The following TMEM185A variants were observed in gnomAD, a reference collection of about 807,000 sequenced individuals.
TMEM185A encodes the protein family with sequence similarity 11, member A.
TMEM185A carries 9 observed loss-of-function variants against 25.0 expected under a neutral mutation model. The observed-to-expected ratio is 0.36, with a 90% CI of 0.22 to 0.63. The LOEUF (loss-of-function observed/expected upper bound fraction) is 0.63. Among genes scored for constraint, TMEM185A ranks in the 20% least tolerant of loss-of-function variants. TMEM185A has a pLI of 0.68. For missense variants in TMEM185A, 103 were observed against 237.4 expected (o/e 0.43, Z 3.72); for synonymous variants, 45 against 93.5 (o/e 0.48, Z 2.99).
At chrX:149,616,913 T>G (rs1251434798) in intron 1 of TMEM185A, among the ~76,000 whole-genome samples, 4 of 112,376 alleles carry the variant, frequency 3.6e-5, no homozygotes, top group African/African-American at 1.3e-4. Context: ...ATAAACACAA[T>G]GTAGTACTGG....
At chrX:149,608,512 G>A (rs1370685943) in intron 3 of TMEM185A, 115 bp downstream of exon 3, 4 of 684,017 alleles carry the variant, frequency 5.8e-6, no homozygotes, top group Non-Finnish European at 8.8e-6. Flanking sequence ...TGTATTATTA[G>A]TAGAGATGGG....
At chrX:149,602,847 T>G (rs782108610) in intron 4 of TMEM185A, among the ~76,000 whole-genome samples, 122 of 112,413 alleles carry the variant, frequency 1.1e-3, no homozygotes, top group African/African-American at 3.8e-3. Context: ...TTATGAATGT[T>G]TTATCAAAGA....
rs1249418430 is a variant in TMEM185A, at chrX:149,631,718, TGCCGTC to T, written c.-144_-139del. 2.9e-4 allele frequency: 172 copies of T among 593,307 alleles called. No homozygotes were observed. Among genetic ancestry groups the T allele is most frequent in the East Asian group, 1.5e-3 (27 of 18,329 alleles). 48.9% of individuals were successfully genotyped at this position (593,307 alleles called of 1,213,427 possible). On this transcript the variant is annotated 5_prime_UTR_variant, in exon 1 of 7. Transcript: ENST00000600449. ...CTCCCGCTACTGCTGCCGTCCCCGC[TGCCGTC>T]GCCGTCGCCGTCGCCGCCGCCGCCG...
At chrX:149,622,379 C>T (rs1463721177) in intron 1 of TMEM185A, among the ~76,000 whole-genome samples, 1 of 111,031 alleles carries the variant, frequency 9.0e-6, no homozygotes, top group Non-Finnish European at 1.9e-5. Context: ...TAAATCATGA[C>T]AGATAAAACA....
intron 1 of TMEM185A, among the ~76,000 whole-genome samples, chrX:149,624,494 TG>T (rs2090154053): frequency 8.9e-6 from 1 of 112,029 alleles, no homozygotes; most frequent in Non-Finnish European, 1.9e-5. Flanking sequence ...TTTTTTCCAG[TG>T]GAAGCTGCTG....
Position 149,611,329 on chromosome X carries a change from G to A in TMEM185A, c.173C>T (p.Ala58Val). The A allele has an allele frequency of 8.3e-7, 1 of 1,210,836 alleles. No individual in the cohort carries two copies. Among genetic ancestry groups the A allele is most frequent in the Non-Finnish European group, 1.1e-6 (1 of 895,178 alleles). Reference protein sequence around the residue: ...WLWKLMVIVGASVGTGVWARN... With the variant: ...WLWKLMVIVGVSVGTGVWARN... ...TGCCCAGACTCCAGTTCCAACTGAG[G>A]CTCCAACAATGACCATTAACTTCCA... is the stretch of plus-strand genomic sequence containing the variant. Residue 58 changes from alanine (A) to valine (V), a missense_variant, in exon 2 of 7, where the codon GCC becomes GTC. Around this residue, in one of 2 missense-constraint regions of TMEM185A, gnomAD observed 102 missense variants for 125.7 expected, o/e 0.81. Coordinates refer to ENST00000600449, the MANE Select transcript of TMEM185A (RefSeq NM_032508.4).
intron 1 of TMEM185A, among the ~76,000 whole-genome samples, chrX:149,620,180 A>G (rs1333040233): frequency 3.6e-5 from 4 of 112,061 alleles, no homozygotes; most frequent in African/African-American, 1.3e-4. Flanking sequence ...ATAAAGACAC[A>G]TGCACACGTA....
chrX:149,611,999 AT>A lies in TMEM185A; in HGVS notation c.39-537del, dbSNP rs782320538. ...TCTGTCATATTCATATGGCATGAAC[AT>A]TTTAGTGTATGTATTATACTTTCCA... On this transcript the variant is annotated intron_variant, in intron 1 of 6. Transcript: ENST00000600449. 6.2e-5 allele frequency among the ~76,000 whole-genome samples: 7 copies of A among 112,658 alleles called. No homozygotes were observed. In the East Asian group the frequency reaches 1.9e-3, roughly 31 times the overall value.
At chrX:149,599,424 C>G in intron 6 of TMEM185A, 130 bp downstream of exon 6, 1 of 515,069 alleles carries the variant, frequency 1.9e-6, no homozygotes, top group Non-Finnish European at 3.3e-6. Context: ...TCAGCCCTCA[C>G]TTTCCCACAC....
At chrX:149,617,179 G>GA (rs1320897061) in intron 1 of TMEM185A, among the ~76,000 whole-genome samples, 5 of 109,843 alleles carry the variant, frequency 4.6e-5, no homozygotes, top group Admixed American at 2.9e-4. Flanking sequence ...AAACACATAT[G>GA]AAAAAAAAAT....
chrX:149,620,068 A>C (rs898249949), intron 1 of TMEM185A, among the ~76,000 whole-genome samples: 9 of 111,671 alleles, frequency 8.1e-5, no homozygotes, highest in Non-Finnish European at 1.5e-4. Context: ...CCGTTGTGGA[A>C]GTCAGTGTGG....
intron 1 of TMEM185A, among the ~76,000 whole-genome samples, chrX:149,612,115 T>C (rs1444405688): frequency 8.9e-6 from 1 of 112,463 alleles, no homozygotes; most frequent in Non-Finnish European, 1.9e-5. Context: ...TTAGAAATTA[T>C]ACTCTTGAGG....
intron 4 of TMEM185A, among the ~76,000 whole-genome samples, chrX:149,602,573 G>A (rs1557352543): frequency 8.9e-6 from 1 of 112,188 alleles, no homozygotes; most frequent in East Asian, 2.8e-4. Flanking sequence ...GTTTTCTCTT[G>A]CTCACTATGG....
intron 1 of TMEM185A, among the ~76,000 whole-genome samples, chrX:149,619,331 G>C (rs1189258312): frequency 2.7e-5 from 3 of 111,550 alleles, no homozygotes; most frequent in Non-Finnish European, 5.7e-5. Context: ...CAAGCTCATG[G>C]TAGCAGATAC....
At chrX:149,627,406 A>G (rs893276060) in intron 1 of TMEM185A, among the ~76,000 whole-genome samples, 16 of 112,191 alleles carry the variant, frequency 1.4e-4, no homozygotes, top group African/African-American at 4.2e-4. Context: ...CAGCATCTCA[A>G]AGCAGAAACA....
At chrX:149,617,342 T>C (rs2090115633) in intron 1 of TMEM185A, among the ~76,000 whole-genome samples, 1 of 111,642 alleles carries the variant, frequency 9.0e-6, no homozygotes, top group African/African-American at 3.3e-5. Flanking sequence ...AAAACACGTA[T>C]CTGACAAAGT....
At chrX:149,621,560 T>C (rs181211371) in intron 1 of TMEM185A, among the ~76,000 whole-genome samples, 1 of 112,172 alleles carries the variant, frequency 8.9e-6, no homozygotes, top group East Asian at 2.8e-4. Context: ...ACAAACCTAG[T>C]GGTTTAAAAA....
intron 3 of TMEM185A, among the ~76,000 whole-genome samples, chrX:149,605,927 C>T (rs146546337): frequency 2.7e-5 from 3 of 112,105 alleles, no homozygotes; most frequent in African/African-American, 9.7e-5. Context: ...TACATAGGTA[C>T]ATGGGGAATT....
At chrX:149,611,070 G>C (rs2090080768) in intron 2 of TMEM185A, among the ~76,000 whole-genome samples, 1 of 111,708 alleles carries the variant, frequency 9.0e-6, no homozygotes, top group African/African-American at 3.3e-5. Context: ...CTGTGAGCTG[G>C]CTGGCAACTT....
Sources: gnomAD v4.1 joint callset for allele counts (sites outside exome capture counted in the v4.1 genomes callset) on GRCh38, gnomAD v4.1.1 for gene constraint, gnomAD v4.1.1 regional missense constraint, MANE v1.5 for transcripts, NCBI Gene and HGNC (gene_info 2026-07-23, HGNC 2026-07-21) for gene names.